The following MAPT variants were observed in gnomAD, a reference collection of about 807,000 sequenced individuals.
The protein encoded by MAPT is microtubule-associated protein tau.
Under a neutral mutation model 67.9 loss-of-function variants are expected in MAPT, and 34 were observed. That is an observed-to-expected ratio of 0.50 (90% CI 0.38 to 0.67). MAPT has a LOEUF of 0.67. Among genes scored for constraint, MAPT ranks in the 30% least tolerant of loss-of-function variants. The probability of loss-of-function intolerance (pLI) is 0.00; values close to 1 mark genes in which losing one functional copy is unlikely to be tolerated. For missense variants in MAPT, 881 were observed against 1,115.2 expected, an observed-to-expected ratio of 0.79 and a Z score of 2.99; for synonymous variants, 456 against 464.5, an observed-to-expected ratio of 0.98 and a Z score of 0.23.
At chr17:46,013,469 G>A (rs1290229629) in intron 10 of MAPT, among the ~76,000 whole-genome samples, 1 of 152,240 alleles carries the variant, frequency 6.6e-6, no homozygotes, top group Non-Finnish European at 1.5e-5. Context: ...GAGGCCACAG[G>A]CCTCCTCATG....
intron 9 of MAPT, among the ~76,000 whole-genome samples, chr17:45,999,073 C>T (rs915647819): frequency 1.1e-4 from 16 of 152,196 alleles, no homozygotes; most frequent in African/African-American, 3.1e-4. Flanking sequence ...CGCCCATGCA[C>T]CTCTGGGGGC....
At chr17:45,965,263 C>T (rs906900995) in intron 2 of MAPT, among the ~76,000 whole-genome samples, 1 of 151,854 alleles carries the variant, frequency 6.6e-6, no homozygotes, top group African/African-American at 2.4e-5. Context: ...AACCTCGTCT[C>T]TACTAAAAAT....
Position 46,010,192 on chromosome 17 carries a change from G to T in MAPT, c.1999-118G>T. On this transcript the variant is annotated intron_variant, in intron 9 of 12. Transcript: ENST00000262410. The surrounding 1 kb of genome is among the most constrained non-coding windows in gnomAD (Gnocchi z 4.7). ...AGTCCGAAAGTGGAGGCATCCTTGC[G>T]AGCAAGTAGGCGGGTCCAGGGTGGC... 1 of 742,126 alleles carries T rather than the reference G, an allele frequency of 1.3e-6. No individual in the cohort carries two copies. Among genetic ancestry groups the T allele is most frequent in the South Asian group, 1.5e-5 (1 of 67,688 alleles). The allele number at this position is 742,126 out of a possible 1,614,324, so 46.0% of individuals were successfully genotyped here.
At position 45,916,282 on chromosome 17, in the gene MAPT, C is replaced by A. The variant is rs555744636; in HGVS notation, c.-18+21596C>A. 5.3e-5 allele frequency among the ~76,000 whole-genome samples: 8 copies of A among 152,358 alleles called. No individual in the cohort carries two copies. In the South Asian group the frequency reaches 1.7e-3, roughly 32 times the overall value. On this transcript the variant is annotated intron_variant, in intron 1 of 12. Transcript: ENST00000262410. ...GCTCAGTTCAGCTTTAATGACTGCG[C>A]TGTTGCGTGTGCTCTGCAGAGGGCG...
chr17:46,001,576 T>A (rs1022323758), intron 9 of MAPT, among the ~76,000 whole-genome samples: 3 of 152,122 alleles, frequency 2.0e-5, no homozygotes, highest in Non-Finnish European at 2.9e-5. Context: ...TGCTGGAGGA[T>A]CACTTGAGAC....
intron 3 of MAPT, chr17:45,973,768 G>A (rs1170894848): frequency 1.3e-5 from 2 of 153,138 alleles, no homozygotes; most frequent in Non-Finnish European, 2.9e-5. Context: ...TGCTGTGAAG[G>A]TGGACCCATC....
At chr17:45,949,280 C>T (rs943090556) in intron 1 of MAPT, among the ~76,000 whole-genome samples, 3 of 152,234 alleles carry the variant, frequency 2.0e-5, no homozygotes, top group African/African-American at 2.4e-5. Flanking sequence ...AGACACCCGC[C>T]GGGGCCGCTC....
At chr17:45,989,495 A>C (rs1215648193) in intron 6 of MAPT, among the ~76,000 whole-genome samples, 1 of 112,246 alleles carries the variant, frequency 8.9e-6, no homozygotes, top group Non-Finnish European at 2.4e-5. Flanking sequence ...CTAAAAATAC[A>C]AAAAAACGAG....
chr17:45,987,244 C>A (rs572018577), intron 6 of MAPT, 149 bp downstream of exon 6: 2 of 788,690 alleles, frequency 2.5e-6, no homozygotes, highest in South Asian at 1.6e-5. Flanking sequence ...TTGGGGCAGG[C>A]TTTTAAAAAG....
At position 45,987,037 on chromosome 17, in the gene MAPT, C is replaced by T. The variant is rs1182294505; in HGVS notation, c.1352-3C>T. 4 of 1,613,378 alleles carry T rather than the reference C, an allele frequency of 2.5e-6. No homozygotes were observed. The Admixed American group carries it at 5.0e-5, about 20-fold the overall frequency. On this transcript the variant is annotated splice_polypyrimidine_tract_variant and splice_region_variant and intron_variant, in intron 5 of 12. Coordinates refer to ENST00000262410, the MANE Select transcript of MAPT (RefSeq NM_001377265.1). ...CAAGCATTCTTATTTTATATTTTAT[C>T]AGCTCGCATGGTCAGTAAAAGCAAA...
intron 1 of MAPT, among the ~76,000 whole-genome samples, chr17:45,928,921 C>G (rs766809790): frequency 2.6e-5 from 4 of 152,122 alleles, no homozygotes; most frequent in Non-Finnish European, 5.9e-5. Context: ...TGGTCTCGAT[C>G]TCCTGACCTC....
chr17:45,989,938 C>A lies in MAPT; in HGVS notation c.1468C>A (p.Pro490Thr). ...KNRPCLSPKH[P>T]TPGSSDPLIQ... Reference sequence around the variant, plus strand: ...TAGGCCTTGCCTTAGCCCCAAACACCCCACTCCTGGTAGCTCAGACCCTCT... The same window carrying A: ...TAGGCCTTGCCTTAGCCCCAAACACACCACTCCTGGTAGCTCAGACCCTCT... The change falls in exon 7 of 13, where the codon CCC becomes ACC. Residue 490 changes from proline to threonine, a missense_variant. Coordinates refer to ENST00000262410, the MANE Select transcript of MAPT (RefSeq NM_001377265.1). 1 of 1,614,196 alleles carries A rather than the reference C, an allele frequency of 6.2e-7. No individual in the cohort carries two copies. Among genetic ancestry groups the A allele is most frequent in the Non-Finnish European group, 8.5e-7 (1 of 1,180,048 alleles).
chr17:45,988,503 G>GC (rs895023859), intron 6 of MAPT, among the ~76,000 whole-genome samples: 124 of 151,668 alleles, frequency 8.2e-4, no homozygotes, highest in Non-Finnish European at 1.2e-3. Context: ...TGGTTCCAGG[G>GC]CCCCCCCCAG....
At chr17:45,919,982 A>G (rs1470857475) in intron 1 of MAPT, among the ~76,000 whole-genome samples, 2 of 152,216 alleles carry the variant, frequency 1.3e-5, no homozygotes, top group East Asian at 3.9e-4. Context: ...GCACAAAGCT[A>G]TGAAGTTCTA....
chr17:45,902,371 G>C (rs2063677942), intron 1 of MAPT, among the ~76,000 whole-genome samples: 1 of 152,144 alleles, frequency 6.6e-6, no homozygotes, highest in Admixed American at 6.6e-5. Context: ...CGCCCGGCCA[G>C]CTTGCACCTT....
chr17:45,978,293 C>A, intron 3 of MAPT, 82 bp from the exon 4 acceptor site: 1 of 1,111,716 alleles, frequency 9.0e-7, no homozygotes, highest in Non-Finnish European at 1.4e-6. Flanking sequence ...GGGAAAATGC[C>A]CGAAGGTACA....
intron 1 of MAPT, among the ~76,000 whole-genome samples, chr17:45,922,294 G>A (rs1304521709): frequency 6.6e-6 from 1 of 152,132 alleles, no homozygotes; most frequent in Non-Finnish European, 1.5e-5. Flanking sequence ...TGCTCTTTGA[G>A]GGTGGTTTTG....
intron 9 of MAPT, among the ~76,000 whole-genome samples, chr17:46,003,148 C>T (rs954812412): frequency 2.0e-5 from 3 of 151,782 alleles, no homozygotes; most frequent in Non-Finnish European, 4.4e-5. Context: ...TCACCTTCCC[C>T]CAGCCTTGCT....
rs1568153599 is a variant in MAPT at position 45,915,240 on chromosome 17, AGTGT to A, written c.-18+20560_-18+20563del. Among the ~76,000 whole-genome samples, 1 of 149,616 alleles carries A rather than the reference AGTGT, an allele frequency of 6.7e-6. No individual in the cohort carries two copies. The highest frequency in any genetic ancestry group is 2.5e-5 in the African/African-American group (1 of 40,410). On this transcript the variant is annotated intron_variant, in intron 1 of 12. Coordinates refer to ENST00000262410, the MANE Select transcript of MAPT (RefSeq NM_001377265.1). The surrounding 1 kb of genome is among the most constrained non-coding windows in gnomAD (Gnocchi z 4.4). ...CGCAAAGTGTGGGGGGATGGGGGTGAGTGTGTGTGGTGTGTAAGCATGAGTGTGT... is the reference window on the plus strand; with the variant it reads ...CGCAAAGTGTGGGGGGATGGGGGTGAGTGTGGTGTGTAAGCATGAGTGTGT...
Sources: allele counts gnomAD v4.1 joint callset (sites outside exome capture counted in the v4.1 genomes callset), GRCh38; gene constraint gnomAD v4.1.1; non-coding constraint Gnocchi (gnomAD v3.1); transcripts MANE v1.5; gene names NCBI Gene and HGNC (gene_info 2026-07-23, HGNC 2026-07-21).